CENPK: variants seen among roughly 807,000 people sequenced by gnomAD.
The protein encoded by CENPK is centromere protein K.
A neutral mutation model predicts 40.9 loss-of-function variants in CENPK; 46 were observed. The observed-to-expected ratio is 1.13, with a 90% CI of 0.89 to 1.44. The LOEUF is 1.44. CENPK is among the 40% of genes most tolerant of loss of function. The pLI is 0.00. For synonymous variants in CENPK, 107 were observed against 104.4 expected, an observed-to-expected ratio of 1.02 and a Z score of -0.15; for missense variants, 288 against 303.5, an observed-to-expected ratio of 0.95 and a Z score of 0.38.
intron 6 of CENPK, among the ~76,000 whole-genome samples, chr5:65,538,145 T>A (rs1036461819): frequency 1.2e-4 from 18 of 152,242 alleles, no homozygotes; most frequent in African/African-American, 4.1e-4. Flanking sequence ...AATGGCATTG[T>A]TATTTTGTGG....
intron 5 of CENPK, chr5:65,551,345 C>A: frequency 2.2e-6 from 1 of 458,948 alleles, no homozygotes; most frequent in Non-Finnish European, 3.9e-6. Flanking sequence ...AATAACGTCT[C>A]CATAATCAAG....
At chr5:65,504,503 A>C in the CENPK span, among the ~76,000 whole-genome samples, 1 of 150,052 alleles carries the variant, frequency 6.7e-6, no homozygotes, top group Admixed American at 6.7e-5. Context: ...CTCGTAAGTT[A>C]ACTTTCTACC....
At chr5:65,499,061 T>C in the CENPK span, among the ~76,000 whole-genome samples, 1 of 151,544 alleles carries the variant, frequency 6.6e-6, no homozygotes, top group Non-Finnish European at 1.5e-5. Flanking sequence ...GGCCTCCCTT[T>C]ATTGCCCAGG....
rs550672286 is a variant in CENPK at position 65,547,377 on chromosome 5, A to G, written c.241+4187T>C. Among the ~76,000 whole-genome samples, 259 of 144,524 alleles carry G rather than the reference A, an allele frequency of 1.8e-3. 3 individuals are homozygous for G. Among genetic ancestry groups the G allele is most frequent in the Middle Eastern group, 3.6e-3 (1 of 274 alleles). 94.8% of individuals were successfully genotyped at this position (144,524 alleles called of 152,430 possible). A position where few individuals can be genotyped will look rare whatever the true frequency, so the allele number is the denominator to read the frequency against. ...CACTGCACTCCAGCCTGGGCGACAG[A>G]GTAAGACTGTCTCAAAAAAAAAAAA... On this transcript the variant is annotated intron_variant, in intron 5 of 10. Transcript: ENST00000396679.
chr5:65,536,763 C>T (rs1051889549), intron 6 of CENPK, among the ~76,000 whole-genome samples: 6 of 152,064 alleles, frequency 3.9e-5, no homozygotes, highest in African/African-American at 1.2e-4. Context: ...GGTAAAATTT[C>T]ATAATTCGAC....
chr5:65,505,878 T>A, the CENPK span, among the ~76,000 whole-genome samples: 1 of 152,228 alleles, frequency 6.6e-6, no homozygotes, highest in Non-Finnish European at 1.5e-5. Flanking sequence ...ACATTTCTTA[T>A]CCATGCTTCA....
the CENPK span, among the ~76,000 whole-genome samples, chr5:65,503,628 T>G: frequency 6.6e-6 from 1 of 152,104 alleles, no homozygotes; most frequent in Admixed American, 6.6e-5. Context: ...CTTTTTCTAT[T>G]ATCTTTAAGA....
chr5:65,542,725 C>T, intron 6 of CENPK, 77 bp downstream of exon 6: 1 of 1,052,590 alleles, frequency 9.5e-7, no homozygotes. Context: ...TATCCTATTT[C>T]TTATGCCATG....
At chr5:65,530,977 C>T (rs963904662) in intron 6 of CENPK, among the ~76,000 whole-genome samples, 4 of 152,184 alleles carry the variant, frequency 2.6e-5, no homozygotes, top group South Asian at 2.1e-4. Context: ...AAAACAGGAA[C>T]AGAAAAACAG....
At chr5:65,548,035 G>A (rs546809121) in intron 5 of CENPK, among the ~76,000 whole-genome samples, 3 of 152,168 alleles carry the variant, frequency 2.0e-5, no homozygotes, top group African/African-American at 7.2e-5. Context: ...AGCATGGGGT[G>A]GAGAACAATT....
chr5:65,562,078 T>G (rs74522791), intron 1 of CENPK, among the ~76,000 whole-genome samples: 2,116 of 152,290 alleles, frequency 0.014, 56 homozygotes, highest in African/African-American at 0.048. Flanking sequence ...GAATTCAGGA[T>G]AGGGAAGCTT....
chr5:65,547,818 C>T (rs1272029627), intron 5 of CENPK, among the ~76,000 whole-genome samples: 1 of 152,120 alleles, frequency 6.6e-6, no homozygotes, highest in Admixed American at 6.5e-5. Context: ...GCGCCCACCA[C>T]AACACCTGGC....
intron 2 of CENPK, among the ~76,000 whole-genome samples, chr5:65,560,031 C>T (rs1751694461): frequency 6.6e-6 from 1 of 151,636 alleles, no homozygotes; most frequent in Non-Finnish European, 1.5e-5. Flanking sequence ...CTCACTCCCT[C>T]AAAAAACCCA....
intron 5 of CENPK, among the ~76,000 whole-genome samples, chr5:65,549,358 G>A (rs987199585): frequency 1.4e-4 from 21 of 152,156 alleles, no homozygotes; most frequent in African/African-American, 5.1e-4. Context: ...AGGGCCCTAG[G>A]ATTGCTGGAA....
downstream of CENPK, among the ~76,000 whole-genome samples, chr5:65,516,068 C>A (rs559332813): frequency 1.3e-5 from 2 of 152,246 alleles, no homozygotes; most frequent in East Asian, 3.9e-4. Context: ...AGTCAGGGTG[C>A]CACCTAACCT....
intron 10 of CENPK, 57 bp downstream of exon 10, chr5:65,521,418 T>G (rs145319650): frequency 7.5e-7 from 1 of 1,328,836 alleles, no homozygotes; most frequent in Admixed American, 1.8e-5. Context: ...CTGAGTATAA[T>G]TGTTCACAAA....
chr5:65,555,288 G>C (rs1238272493), intron 2 of CENPK: 1 of 163,106 alleles, frequency 6.1e-6, no homozygotes, highest in Non-Finnish European at 1.3e-5. Context: ...AAAGAAATGA[G>C]GTCAAGGATG....
At chr5:65,499,037 T>A in the CENPK span, among the ~76,000 whole-genome samples, 1 of 151,670 alleles carries the variant, frequency 6.6e-6, no homozygotes, top group Non-Finnish European at 1.5e-5. Flanking sequence ...TTTCTTTTTT[T>A]AAATAGAGAA....
the CENPK span, among the ~76,000 whole-genome samples, chr5:65,503,111 T>TA: frequency 1.7e-4 from 5 of 29,574 alleles, no homozygotes; most frequent in African/African-American, 4.7e-4. Flanking sequence ...CAATGTAATA[T>TA]TTTTTTTTTT....
Sources: allele counts gnomAD v4.1 joint callset (sites outside exome capture counted in the v4.1 genomes callset), GRCh38; gene constraint gnomAD v4.1.1; transcripts MANE v1.5; gene names NCBI Gene and HGNC (gene_info 2026-07-23, HGNC 2026-07-21).